RIC1: variants seen among roughly 807,000 people sequenced by gnomAD.
RIC1 encodes the protein RIC1 partner of RAB6A GEF complex.
Under a neutral mutation model 169.0 loss-of-function variants are expected in RIC1, and 88 were observed. That is an observed-to-expected ratio of 0.52 (90% CI 0.44 to 0.62). The LOEUF is 0.62. RIC1 is among the 20% of genes least tolerant of loss of function. RIC1 has a pLI of 0.00. For missense variants in RIC1, 1,877 were observed against 1,725.5 expected (o/e 1.09, Z -1.56); for synonymous variants, 790 against 601.5 (o/e 1.31, Z -4.59).
intron 2 of RIC1, among the ~76,000 whole-genome samples, chr9:5,681,221 T>C (rs971549295): frequency 7.2e-5 from 11 of 152,182 alleles, no homozygotes; most frequent in African/African-American, 2.4e-4. Flanking sequence ...ATGTGTTTGC[T>C]CTTGCTTCTC....
intron 2 of RIC1, 85 bp from the exon 3 acceptor site, chr9:5,689,874 G>A (rs1821491550): frequency 1.3e-5 from 12 of 928,820 alleles, no homozygotes; most frequent in South Asian, 7.0e-5. Flanking sequence ...ATTTTTTTTC[G>A]AAGTAAGAAT....
chr9:5,758,267 C>T (rs188627034), intron 17 of RIC1, among the ~76,000 whole-genome samples: 1 of 152,170 alleles, frequency 6.6e-6, no homozygotes, highest in Non-Finnish European at 1.5e-5. Flanking sequence ...CGTTGCATAA[C>T]TTTCTATTTC....
chr9:5,680,082 G>A (rs570267715), intron 2 of RIC1, among the ~76,000 whole-genome samples: 2,019 of 152,226 alleles, frequency 0.013, 52 homozygotes, highest in African/African-American at 0.046. Context: ...GGCCTTTTCT[G>A]CATCTATTGA....
At chr9:5,648,203 C>T (rs184726185) in intron 1 of RIC1, among the ~76,000 whole-genome samples, 3 of 152,220 alleles carry the variant, frequency 2.0e-5, no homozygotes, top group East Asian at 3.9e-4. Flanking sequence ...AGACTGGTCT[C>T]GAGCTCCTGA....
chr9:5,629,260 C>A lies in RIC1; in HGVS notation c.-50C>A, dbSNP rs562105303. Reference sequence around the variant, plus strand: ...GGGAGGTGGGCGACCAGCCCGGGGCCGCTGAGTGTGACGGACGCAACTGGG... The same window carrying A: ...GGGAGGTGGGCGACCAGCCCGGGGCAGCTGAGTGTGACGGACGCAACTGGG... On this transcript the variant is annotated 5_prime_UTR_variant, in exon 1 of 26. Coordinates refer to ENST00000414202, the MANE Select transcript of RIC1 (RefSeq NM_020829.4). 6 of 1,418,610 alleles carry A rather than the reference C, an allele frequency of 4.2e-6. No homozygotes were observed. The highest frequency in any genetic ancestry group is 2.8e-5 in the South Asian group (2 of 70,938). The allele number at this position is 1,418,610 out of a possible 1,614,324, so 87.9% of individuals were successfully genotyped here.
intron 7 of RIC1, 124 bp from the exon 8 acceptor site, chr9:5,738,326 C>A: frequency 3.1e-6 from 2 of 654,962 alleles, no homozygotes; most frequent in Non-Finnish European, 5.3e-6. Flanking sequence ...ATGACTGCAA[C>A]TTATTGACAA....
chr9:5,729,400 G>C (rs1824217676), intron 6 of RIC1, among the ~76,000 whole-genome samples: 1 of 152,100 alleles, frequency 6.6e-6, no homozygotes, highest in Non-Finnish European at 1.5e-5. Flanking sequence ...GCCTTTCAAA[G>C]ACCCCTGAAT....
At chr9:5,679,474 A>G (rs1029681456) in intron 2 of RIC1, among the ~76,000 whole-genome samples, 7 of 152,234 alleles carry the variant, frequency 4.6e-5, no homozygotes, top group Admixed American at 3.3e-4. Context: ...ATCCATGAGC[A>G]TGGAAAGTTC....
chr9:5,705,685 G>C (rs905953701), intron 3 of RIC1, among the ~76,000 whole-genome samples: 1 of 152,130 alleles, frequency 6.6e-6, no homozygotes, highest in African/African-American at 2.4e-5. Flanking sequence ...GAAGTAGTGA[G>C]AGCAGCATTC....
chr9:5,653,394 A>T (rs139334911), intron 1 of RIC1, among the ~76,000 whole-genome samples: 300 of 152,262 alleles, frequency 2.0e-3, no homozygotes, highest in African/African-American at 6.7e-3. Context: ...CTCCAGTATT[A>T]AGTTGCTAGT....
At position 5,738,371 on chromosome 9, in the gene RIC1, A is replaced by T. The variant is rs1824861405; in HGVS notation, c.813-79A>T. 3.1e-6 allele frequency: 3 copies of T among 978,572 alleles called. No individual in the cohort carries two copies. The Admixed American group carries it at 7.6e-5, about 25-fold the overall frequency. The allele number at this position is 978,572 out of a possible 1,614,324, so 60.6% of individuals were successfully genotyped here. ...GTTCTAGTTTACACTCCCACCAGCAAAACATAAGAGTTCTATAATGCTTTT... is the reference window on the plus strand; with the variant it reads ...GTTCTAGTTTACACTCCCACCAGCATAACATAAGAGTTCTATAATGCTTTT... On this transcript the variant is annotated intron_variant, in intron 7 of 25. Coordinates refer to ENST00000414202, the MANE Select transcript of RIC1 (RefSeq NM_020829.4).
intron 17 of RIC1, 58 bp from the exon 18 acceptor site, chr9:5,762,483 A>G (rs1279764964): frequency 1.1e-5 from 18 of 1,597,304 alleles, no homozygotes; most frequent in Non-Finnish European, 1.5e-5. Context: ...TTGGGGGGAG[A>G]TGCGGAAAGC....
chr9:5,724,725 C>T (rs200711811), intron 6 of RIC1, among the ~76,000 whole-genome samples: 4 of 152,104 alleles, frequency 2.6e-5, no homozygotes, highest in African/African-American at 7.2e-5. Flanking sequence ...TTTTGAGATA[C>T]GTCCCATCAA....
At chr9:5,679,458 C>G (rs1820674257) in intron 2 of RIC1, among the ~76,000 whole-genome samples, 1 of 152,186 alleles carries the variant, frequency 6.6e-6, no homozygotes, top group Non-Finnish European at 1.5e-5. Flanking sequence ...GATATTGATT[C>G]TTCCTATCCA....
At chr9:5,739,349 C>A (rs1164491565) in intron 8 of RIC1, among the ~76,000 whole-genome samples, 1 of 152,134 alleles carries the variant, frequency 6.6e-6, no homozygotes, top group Non-Finnish European at 1.5e-5. Context: ...AATGCAGAAT[C>A]CCTACTTAGT....
At chr9:5,695,633 C>A (rs928640325) in intron 3 of RIC1, among the ~76,000 whole-genome samples, 1 of 144,498 alleles carries the variant, frequency 6.9e-6, no homozygotes, top group Non-Finnish European at 1.5e-5. Flanking sequence ...AGTGCAGTGG[C>A]GTGATCTTGG....
In RIC1 at chr9:5,774,425, G is replaced by C; in HGVS notation, c.*179G>C. On this transcript the variant is annotated 3_prime_UTR_variant, in exon 26 of 26. Transcript: ENST00000414202. The stretch of plus-strand genomic sequence containing the variant: ...AATCTTTTTGACTCCATAAAAATGT[G>C]ATATAAAGCATCTTTCATAAAAAAA... 2.0e-6 allele frequency: 1 copy of C among 503,272 alleles called. No homozygotes were observed. Among genetic ancestry groups the C allele is most frequent in the Non-Finnish European group, 3.3e-6 (1 of 300,994 alleles). The allele number at this position is 503,272 out of a possible 1,614,324, so 31.2% of individuals were successfully genotyped here.
intron 1 of RIC1, among the ~76,000 whole-genome samples, chr9:5,647,684 A>G (rs1009973739): frequency 6.6e-6 from 1 of 152,194 alleles, no homozygotes; most frequent in African/African-American, 2.4e-5. Flanking sequence ...AGATCATGTC[A>G]TCTTCAAACA....
At chr9:5,667,598 G>C (rs1437613897) in intron 2 of RIC1, among the ~76,000 whole-genome samples, 1 of 149,234 alleles carries the variant, frequency 6.7e-6, no homozygotes, top group African/African-American at 2.5e-5. Flanking sequence ...TTGATTTCCT[G>C]GGCTTAAGTA....
Sources: allele counts gnomAD v4.1 joint callset (sites outside exome capture counted in the v4.1 genomes callset), GRCh38; gene constraint gnomAD v4.1.1; transcripts MANE v1.5; gene names NCBI Gene and HGNC (gene_info 2026-07-23, HGNC 2026-07-21).